Variants in SRFBP1 observed in about 807,000 individuals in gnomAD.
SRFBP1 encodes the protein serum response factor-binding protein 1.
In SRFBP1, 47 loss-of-function variants were observed where a neutral mutation model predicts 45.5. That is an observed-to-expected ratio of 1.03 (90% confidence interval 0.82 to 1.32). SRFBP1 has a LOEUF of 1.32. SRFBP1 is among the 40% of genes most tolerant of loss of function. SRFBP1 has a pLI of 0.00. For synonymous variants in SRFBP1, 203 were observed against 166.3 expected, an observed-to-expected ratio of 1.22 and a Z score of -1.70; for missense variants, 621 against 484.6, an observed-to-expected ratio of 1.28 and a Z score of -2.64.
intron 1 of SRFBP1, among the ~76,000 whole-genome samples, chr5:121,973,461 G>A (rs921092338): frequency 2.0e-5 from 3 of 151,784 alleles, no homozygotes; most frequent in African/African-American, 7.2e-5. Flanking sequence ...GTAATTACAT[G>A]CCATTGCACT....
At chr5:122,036,667 A>G (rs898425848) in intron 2 of SRFBP1, among the ~76,000 whole-genome samples, 3 of 152,154 alleles carry the variant, frequency 2.0e-5, no homozygotes, top group Non-Finnish European at 2.9e-5. Flanking sequence ...CCAAGGCTCA[A>G]TGTGAGCTTC....
At chr5:121,985,327 G>T (rs1045273694) in intron 3 of SRFBP1, among the ~76,000 whole-genome samples, 1 of 151,422 alleles carries the variant, frequency 6.6e-6, no homozygotes, top group Non-Finnish European at 1.5e-5. Context: ...TTTGGTGTTG[G>T]GTTTTGTTTT....
chr5:121,983,751 G>A (rs1752461450), intron 3 of SRFBP1, among the ~76,000 whole-genome samples: 1 of 151,622 alleles, frequency 6.6e-6, no homozygotes, highest in Non-Finnish European at 1.5e-5. Flanking sequence ...ATTCAGCTTG[G>A]AACTAAAGTG....
At chr5:122,073,944 GCTAA>G in intron 2 of SRFBP1, 2 of 1,405,292 alleles carry the variant, frequency 1.4e-6, no homozygotes. Context: ...GCTATTTAAT[GCTAA>G]CTAACGGTAG....
At chr5:121,972,588 C>T (rs891239068) in intron 1 of SRFBP1, among the ~76,000 whole-genome samples, 3 of 151,786 alleles carry the variant, frequency 2.0e-5, no homozygotes, top group African/African-American at 4.8e-5. Context: ...ACTACGGTTT[C>T]CTCACCAGAG....
intron 4 of SRFBP1, among the ~76,000 whole-genome samples, chr5:121,998,797 A>G (rs1257274913): frequency 1.3e-5 from 2 of 152,308 alleles, no homozygotes; most frequent in Middle Eastern, 3.4e-3. Flanking sequence ...GGAACCCAAA[A>G]AGAATTAAAT....
chr5:122,025,586 A>G (rs901490049), intron 7 of SRFBP1, among the ~76,000 whole-genome samples: 1 of 152,156 alleles, frequency 6.6e-6, no homozygotes, highest in Non-Finnish European at 1.5e-5. Context: ...CAACAGTGTA[A>G]AAGTGTTCCT....
intron 4 of SRFBP1, among the ~76,000 whole-genome samples, chr5:122,004,873 T>C (rs1218354379): frequency 2.0e-5 from 3 of 152,170 alleles, no homozygotes; most frequent in African/African-American, 7.2e-5. Flanking sequence ...CAAGATACTT[T>C]TTAATTTTCT....
At chr5:122,034,655 C>A (rs893668068) in intron 2 of SRFBP1, among the ~76,000 whole-genome samples, 1 of 151,406 alleles carries the variant, frequency 6.6e-6, no homozygotes, top group Non-Finnish European at 1.5e-5. Flanking sequence ...ATTATTATAC[C>A]CTGTTCTCAC....
intron 3 of SRFBP1, among the ~76,000 whole-genome samples, chr5:121,978,789 G>T (rs1304918315): frequency 1.3e-5 from 2 of 152,068 alleles, no homozygotes; most frequent in Non-Finnish European, 1.5e-5. Context: ...ACCACTCCTG[G>T]CCTATCTGTA....
chr5:122,023,925 C>T (rs1753415333), intron 7 of SRFBP1, among the ~76,000 whole-genome samples: 1 of 152,004 alleles, frequency 6.6e-6, no homozygotes, highest in Admixed American at 6.6e-5. Flanking sequence ...TTTATTTTTC[C>T]CACTTCCCGC....
intron 2 of SRFBP1, chr5:122,066,404 A>G (rs1253043955): frequency 1.3e-5 from 3 of 232,934 alleles, no homozygotes; most frequent in South Asian, 2.7e-4. Context: ...TGGCTCATTC[A>G]TTTAGATAAT....
intron 4 of SRFBP1, among the ~76,000 whole-genome samples, chr5:122,006,419 C>G (rs1161462138): frequency 6.6e-6 from 1 of 152,008 alleles, no homozygotes; most frequent in African/African-American, 2.4e-5. Flanking sequence ...CTCCCTGTAC[C>G]TGGGTATTTA....
Position 122,027,185 on chromosome 5 carries a change from G to GAATGA in SRFBP1, c.*59_*60insAATGA. The GAATGA allele has an allele frequency of 7.2e-7, 1 of 1,393,356 alleles. No individual in the cohort carries two copies. Among genetic ancestry groups the GAATGA allele is most frequent in the Non-Finnish European group, 9.8e-7 (1 of 1,017,060 alleles). The allele number at this position is 1,393,356 out of a possible 1,614,324, so 86.3% of individuals were successfully genotyped here. A position where few individuals can be genotyped will look rare whatever the true frequency, so the allele number is the denominator to read the frequency against. On this transcript the variant is annotated 3_prime_UTR_variant, in exon 8 of 8. Transcript: ENST00000339397. ...AAAAAAAAATGTTTTTTTTAAGACA[G>GAATGA]GATCTCATTCTGTTGCCCAGACTAG... is the stretch of plus-strand genomic sequence containing the variant.
intron 2 of SRFBP1, among the ~76,000 whole-genome samples, chr5:122,074,902 A>T (rs1233923240): frequency 6.6e-6 from 1 of 152,234 alleles, no homozygotes; most frequent in Non-Finnish European, 1.5e-5. Context: ...GAATTACCTT[A>T]TGCAAAAATC....
chr5:121,989,533 A>G (rs1752582581), intron 3 of SRFBP1, among the ~76,000 whole-genome samples: 1 of 152,238 alleles, frequency 6.6e-6, no homozygotes, highest in South Asian at 2.1e-4. Context: ...AGTGTGGTGC[A>G]TGCGGGACTA....
At chr5:121,968,221 CATT>C (rs5870986) in intron 1 of SRFBP1, among the ~76,000 whole-genome samples, 78,562 of 144,516 alleles carry the variant, frequency 0.54, 21,505 homozygotes, top group East Asian at 0.7. Context: ...CAAACTCTGT[CATT>C]ATTATTATTA....
intron 3 of SRFBP1, among the ~76,000 whole-genome samples, chr5:121,980,202 ACTTTTC>A (rs1319407128): frequency 6.6e-6 from 1 of 152,152 alleles, no homozygotes; most frequent in Non-Finnish European, 1.5e-5. Context: ...CTGTATTTAT[ACTTTTC>A]CTTCCAACTT....
At chr5:121,980,700 A>AT (rs1752390687) in intron 3 of SRFBP1, among the ~76,000 whole-genome samples, 1 of 151,856 alleles carries the variant, frequency 6.6e-6, no homozygotes, top group South Asian at 2.1e-4. Flanking sequence ...GGATTTGGTT[A>AT]TTTTTTTCGA....
Sources: gnomAD v4.1 joint callset for allele counts (sites outside exome capture counted in the v4.1 genomes callset) on GRCh38, gnomAD v4.1.1 for gene constraint, MANE v1.5 for transcripts, NCBI Gene and HGNC (gene_info 2026-07-23, HGNC 2026-07-21) for gene names.